SNAP91: variants seen among roughly 807,000 people sequenced by gnomAD.
SNAP91 encodes clathrin coat assembly protein AP180.
SNAP91 carries 27 observed loss-of-function variants against 100.3 expected under a neutral mutation model. The ratio of observed to expected loss-of-function variants is 0.27; its 90% CI spans 0.20 to 0.37. The LOEUF is 0.37. SNAP91 is among the 10% of genes least tolerant of loss of function. SNAP91 has a pLI of 1.00. For synonymous variants in SNAP91, 404 were observed against 398.6 expected, an observed-to-expected ratio of 1.01 and a Z score of -0.16; for missense variants, 986 against 1,123.7, an observed-to-expected ratio of 0.88 and a Z score of 1.75.
intron 11 of SNAP91, among the ~76,000 whole-genome samples, chr6:83,614,137 C>T (rs2096330221): frequency 1.3e-5 from 2 of 151,952 alleles, no homozygotes; most frequent in Non-Finnish European, 2.9e-5. Flanking sequence ...TAAGTGCTAG[C>T]CAGAAAAAAA....
intron 8 of SNAP91, among the ~76,000 whole-genome samples, chr6:83,639,060 T>C (rs1472728169): frequency 6.6e-6 from 1 of 152,250 alleles, no homozygotes; most frequent in Non-Finnish European, 1.5e-5. Flanking sequence ...TCCATAGAAC[T>C]TGTTCAACTA....
chr6:83,649,744 CTTT>C (rs548434468), intron 7 of SNAP91, among the ~76,000 whole-genome samples: 5 of 137,574 alleles, frequency 3.6e-5, no homozygotes, highest in African/African-American at 1.1e-4. Context: ...CCATGCCTGG[CTTT>C]TTTTTTTTTT....
chr6:83,623,464 G>T (rs748291694), intron 8 of SNAP91, 122 bp from the exon 9 acceptor site: 114 of 694,434 alleles, frequency 1.6e-4, no homozygotes, highest in Non-Finnish European at 2.3e-4. Context: ...ATTATTTTAT[G>T]TATCACTCTC....
At chr6:83,612,075 C>T (rs929845866) in intron 11 of SNAP91, among the ~76,000 whole-genome samples, 10 of 151,784 alleles carry the variant, frequency 6.6e-5, no homozygotes, top group Non-Finnish European at 1.5e-4. Context: ...CTGCCATTTC[C>T]TGTTTGAATT....
chr6:83,632,143 A>C (rs2097233078), intron 8 of SNAP91, among the ~76,000 whole-genome samples: 1 of 151,982 alleles, frequency 6.6e-6, no homozygotes, highest in Non-Finnish European at 1.5e-5. Context: ...CTTGGCTGAT[A>C]ATTGTTTTAT....
intron 9 of SNAP91, among the ~76,000 whole-genome samples, chr6:83,617,775 A>G (rs1328565391): frequency 6.6e-6 from 1 of 151,802 alleles, no homozygotes; most frequent in Admixed American, 6.6e-5. Context: ...ACTTAAGGAG[A>G]AATAATAGGT....
At chr6:83,608,809 G>A (rs1299970080) in intron 12 of SNAP91, among the ~76,000 whole-genome samples, 1 of 152,180 alleles carries the variant, frequency 6.6e-6, no homozygotes, top group East Asian at 1.9e-4. Context: ...AGTTATGCAA[G>A]TGCCAAGCAT....
chr6:83,707,666 T>C, intron 2 of SNAP91, 132 bp downstream of exon 2: 1 of 1,238,942 alleles, frequency 8.1e-7, no homozygotes, highest in Admixed American at 2.5e-5. Context: ...AGCTGAAGAA[T>C]TTCAGCTCAG....
chr6:83,646,033 G>C (rs1034931082), intron 7 of SNAP91, among the ~76,000 whole-genome samples: 1 of 152,086 alleles, frequency 6.6e-6, no homozygotes, highest in South Asian at 2.1e-4. Flanking sequence ...TATCTTTGTT[G>C]GTGAGGTATC....
At chr6:83,664,081 T>A (rs541800348) in intron 3 of SNAP91, among the ~76,000 whole-genome samples, 2 of 152,186 alleles carry the variant, frequency 1.3e-5, no homozygotes, top group African/African-American at 4.8e-5. Flanking sequence ...TGAAGCCCAC[T>A]GTTGAGACTT....
At position 83,623,304 on chromosome 6, in the gene SNAP91, T is replaced by G; in HGVS notation, c.804A>C (p.Thr268=). The change falls in exon 9 of 30, where the codon ACA becomes ACC. Residue 268 remains threonine, a synonymous_variant. Transcript: ENST00000369694. The part of the protein sequence containing the change: ...GIDKGDIPDL[T]QAPSSLMETL... ...TTCCACTGGGAGAGTTGCTTACCTG[T>G]GTGAGGTCAGGAATGTCACCTTTAT... is the stretch of plus-strand genomic sequence containing the variant. 2 of 1,607,644 alleles carry G rather than the reference T, an allele frequency of 1.2e-6. No individual in the cohort carries two copies. The highest frequency in any genetic ancestry group is 1.7e-6 in the Non-Finnish European group (2 of 1,175,988).
chr6:83,684,315 C>T (rs2099031455), intron 2 of SNAP91, among the ~76,000 whole-genome samples: 1 of 152,144 alleles, frequency 6.6e-6, no homozygotes, highest in Non-Finnish European at 1.5e-5. Context: ...CTGACACAGA[C>T]CTCCTGCCAC....
In SNAP91 at chr6:83,688,349, G is replaced by A. The variant is rs114419661; in HGVS notation, c.130+19449C>T. On this transcript the variant is annotated intron_variant, in intron 2 of 29. Coordinates refer to ENST00000369694, the MANE Select transcript of SNAP91 (RefSeq NM_001242792.2). Reference sequence around the variant, plus strand: ...TGAAACTCTGCATTGGCTTCTCACTGCTTAATAAAATAAAACTTAGGGCTG... The same window carrying A: ...TGAAACTCTGCATTGGCTTCTCACTACTTAATAAAATAAAACTTAGGGCTG... Among the ~76,000 whole-genome samples, 380 of 152,142 alleles carry A rather than the reference G, an allele frequency of 2.5e-3. 3 individuals carry two copies. Among genetic ancestry groups the A allele is most frequent in the African/African-American group, 2.8e-3 (117 of 41,518 alleles).
chr6:83,574,887 T>C lies in SNAP91; in HGVS notation c.2442+123A>G, dbSNP rs538536848. The C allele has an allele frequency of 1.6e-5, 10 of 607,430 alleles. No homozygotes were observed. The Admixed American group carries it at 1.7e-4, about 10-fold the overall frequency. 37.6% of individuals were successfully genotyped at this position (607,430 alleles called of 1,614,324 possible). On this transcript the variant is annotated intron_variant, in intron 26 of 29. Transcript: ENST00000369694. Reference sequence around the variant, plus strand: ...CCTGGGCTGGAGTGCTACTTGCTTATATTTCTTCAATGCAGAGGAATAAGT... The same window carrying C: ...CCTGGGCTGGAGTGCTACTTGCTTACATTTCTTCAATGCAGAGGAATAAGT...
chr6:83,653,716 T>G (rs1157563357), intron 7 of SNAP91, among the ~76,000 whole-genome samples: 1 of 152,212 alleles, frequency 6.6e-6, no homozygotes, highest in Non-Finnish European at 1.5e-5. Context: ...AAGGAACTGC[T>G]GTAAATAGGT....
chr6:83,674,227 C>T (rs2098828752), intron 2 of SNAP91, among the ~76,000 whole-genome samples: 1 of 151,958 alleles, frequency 6.6e-6, no homozygotes, highest in Non-Finnish European at 1.5e-5. Context: ...GAGTTTGAAA[C>T]CTGATCTCAG....
intron 22 of SNAP91, among the ~76,000 whole-genome samples, chr6:83,585,244 C>T (rs1174132832): frequency 1.3e-5 from 2 of 152,150 alleles, no homozygotes; most frequent in Non-Finnish European, 2.9e-5. Context: ...TATGGTGGTT[C>T]ATGCCAGTAA....
intron 2 of SNAP91, among the ~76,000 whole-genome samples, chr6:83,698,472 T>C (rs1371239215): frequency 6.6e-6 from 1 of 152,064 alleles, no homozygotes; most frequent in Non-Finnish European, 1.5e-5. Context: ...GACAAGGCCT[T>C]TGAGACTAAG....
chr6:83,696,042 A>C (rs1343999283), intron 2 of SNAP91, among the ~76,000 whole-genome samples: 1 of 152,112 alleles, frequency 6.6e-6, no homozygotes, highest in Non-Finnish European at 1.5e-5. Flanking sequence ...TCCTATGGAA[A>C]CTTCCATGGG....
Sources: allele counts gnomAD v4.1 joint callset (sites outside exome capture counted in the v4.1 genomes callset), GRCh38; gene constraint gnomAD v4.1.1; transcripts MANE v1.5; gene names NCBI Gene and HGNC (gene_info 2026-07-23, HGNC 2026-07-21).